TENM3: variants seen among roughly 807,000 people sequenced by gnomAD.
TENM3 encodes teneurin transmembrane protein 3.
TENM3 carries 63 observed loss-of-function variants against 255.1 expected under a neutral mutation model. The observed-to-expected ratio is 0.25, with a 90% CI of 0.20 to 0.30. The LOEUF (loss-of-function observed/expected upper bound fraction) is 0.30. Among genes scored for constraint, TENM3 ranks in the 10% least tolerant of loss-of-function variants. TENM3 has a pLI of 1.00. For missense variants in TENM3, 2,929 were observed against 3,461.1 expected (o/e 0.85, Z 3.86); for synonymous variants, 1,306 against 1,322.3 (o/e 0.99, Z 0.27).
At chr4:182,386,596 C>CGCTT (rs1767938307) in intron 3 of TENM3, among the ~76,000 whole-genome samples, 1 of 152,166 alleles carries the variant, frequency 6.6e-6, no homozygotes, top group African/African-American at 2.4e-5. Context: ...CTGCGCGCAG[C>CGCTT]GCTTGCGGGC....
intron 3 of TENM3, among the ~76,000 whole-genome samples, chr4:182,539,011 T>G (rs1740608575): frequency 6.6e-6 from 1 of 151,872 alleles, no homozygotes; most frequent in African/African-American, 2.4e-5. Context: ...AAGCTATGGA[T>G]ATCGGTGTTA....
At chr4:181,873,497 T>C in the TENM3 span, among the ~76,000 whole-genome samples, 4 of 152,256 alleles carry the variant, frequency 2.6e-5, no homozygotes, top group Non-Finnish European at 5.9e-5. Context: ...TTATGATTTA[T>C]TCTTTCATTA....
At chr4:182,641,256 G>A (rs569280364) in intron 5 of TENM3, among the ~76,000 whole-genome samples, 52 of 152,272 alleles carry the variant, frequency 3.4e-4, no homozygotes, top group African/African-American at 1.0e-3. Flanking sequence ...CAAATGTAAC[G>A]CCTTGGAGAA....
At chr4:181,527,131 A>G in the TENM3 span, among the ~76,000 whole-genome samples, 1 of 152,174 alleles carries the variant, frequency 6.6e-6, no homozygotes, top group Non-Finnish European at 1.5e-5. Context: ...ACAATTGCAA[A>G]ACAGTTCCAA....
chr4:182,145,038 G>A (rs1281202788), intron 1 of TENM3: 4 of 151,976 alleles, frequency 2.6e-5, no homozygotes, highest in African/African-American at 9.7e-5. Flanking sequence ...GGGGAGCCCC[G>A]GGGTCCCTGA....
the TENM3 span, among the ~76,000 whole-genome samples, chr4:181,573,020 C>A: frequency 7.0e-6 from 1 of 143,624 alleles, no homozygotes; most frequent in Non-Finnish European, 1.5e-5. Context: ...TAGCTTATTT[C>A]ACTTAACATA....
chr4:182,461,767 C>T lies in TENM3; in HGVS notation c.511+114838C>T, dbSNP rs141972765. On this transcript the variant is annotated intron_variant, in intron 3 of 27. Coordinates refer to ENST00000511685, the MANE Select transcript of TENM3 (RefSeq NM_001080477.4). ...ACTCTGGTATCTTCAGAGCCTAGAACAGTGCCTGGCACTGGTTGATGCTCA... is the reference window on the plus strand; with the variant it reads ...ACTCTGGTATCTTCAGAGCCTAGAATAGTGCCTGGCACTGGTTGATGCTCA... 4.6e-5 allele frequency among the ~76,000 whole-genome samples: 7 copies of T among 152,326 alleles called. No homozygotes were observed. In the East Asian group the frequency reaches 1.4e-3, roughly 29 times the overall value.
intron 3 of TENM3, among the ~76,000 whole-genome samples, chr4:182,436,062 G>A (rs1399629096): frequency 1.3e-5 from 2 of 151,992 alleles, no homozygotes; most frequent in Non-Finnish European, 2.9e-5. Context: ...ACCAGAGGGG[G>A]CTGGACAGCT....
chr4:182,066,649 G>GC, the TENM3 span, among the ~76,000 whole-genome samples: 2 of 150,606 alleles, frequency 1.3e-5, no homozygotes, highest in Non-Finnish European at 3.0e-5. Context: ...GGTGGCTCAT[G>GC]CCTATAATCC....
At chr4:182,708,240 T>C (rs1242435012) in intron 12 of TENM3, among the ~76,000 whole-genome samples, 1 of 152,142 alleles carries the variant, frequency 6.6e-6, no homozygotes, top group African/African-American at 2.4e-5. Context: ...GAAGCCTTTA[T>C]TATTACCTAC....
At chr4:182,370,735 A>C (rs913774096) in intron 3 of TENM3, among the ~76,000 whole-genome samples, 1 of 152,168 alleles carries the variant, frequency 6.6e-6, no homozygotes, top group Non-Finnish European at 1.5e-5. Context: ...GGAGCAGTTC[A>C]TTATTTCACT....
intron 3 of TENM3, among the ~76,000 whole-genome samples, chr4:182,512,294 C>T (rs377176594): frequency 7.9e-5 from 12 of 152,184 alleles, no homozygotes; most frequent in South Asian, 2.1e-4. Flanking sequence ...ATTTGCTAAA[C>T]GGTAAAAGCA....
intron 3 of TENM3, among the ~76,000 whole-genome samples, chr4:182,468,868 G>GTGTA (rs1177506210): frequency 5.9e-5 from 8 of 135,616 alleles, no homozygotes; most frequent in South Asian, 2.4e-4. Flanking sequence ...GTGTGTGTGT[G>GTGTA]TGTATGTGCA....
the TENM3 span, among the ~76,000 whole-genome samples, chr4:182,066,836 G>A: frequency 2.0e-5 from 3 of 152,026 alleles, no homozygotes; most frequent in Non-Finnish European, 4.4e-5. Flanking sequence ...GCGTGAACCC[G>A]GGAGGCGGAG....
At chr4:181,703,572 C>T in the TENM3 span, among the ~76,000 whole-genome samples, 1 of 152,236 alleles carries the variant, frequency 6.6e-6, no homozygotes, top group South Asian at 2.1e-4. Flanking sequence ...GACTCAGAAA[C>T]TTGATCAGGG....
At chr4:182,063,476 G>A in the TENM3 span, among the ~76,000 whole-genome samples, 988 of 152,264 alleles carry the variant, frequency 6.5e-3, 18 homozygotes, top group East Asian at 0.073. Context: ...CACTTTAGTC[G>A]CATGTCAAAA....
At chr4:182,541,158 C>T (rs1248064895) in intron 3 of TENM3, among the ~76,000 whole-genome samples, 1 of 152,190 alleles carries the variant, frequency 6.6e-6, no homozygotes, top group Non-Finnish European at 1.5e-5. Flanking sequence ...GATTTCACAG[C>T]ACAAATTCTT....
chr4:181,877,737 A>G, the TENM3 span, among the ~76,000 whole-genome samples: 7 of 152,182 alleles, frequency 4.6e-5, no homozygotes, highest in Non-Finnish European at 7.4e-5. Context: ...AGCAAGAGGA[A>G]GGAACAAAGA....
At chr4:181,456,769 T>G in the TENM3 span, among the ~76,000 whole-genome samples, 1 of 151,964 alleles carries the variant, frequency 6.6e-6, no homozygotes, top group Non-Finnish European at 1.5e-5. Context: ...TTAGAAAATA[T>G]TTTGAGTGAA....
Sources: allele counts gnomAD v4.1 joint callset (sites outside exome capture counted in the v4.1 genomes callset), GRCh38; gene constraint gnomAD v4.1.1; transcripts MANE v1.5; gene names NCBI Gene and HGNC (gene_info 2026-07-23, HGNC 2026-07-21).